The following FBXL17 variants were observed in gnomAD, a reference collection of about 807,000 sequenced individuals.
FBXL17 encodes the protein F-box and leucine rich repeat protein 17, also known as F-box/LRR-repeat protein 17.
A neutral mutation model predicts 66.2 loss-of-function variants in FBXL17; 22 were observed. The observed-to-expected ratio is 0.33, with a 90% CI of 0.24 to 0.47. The LOEUF (loss-of-function observed/expected upper bound fraction) is 0.47. Ranked by LOEUF, FBXL17 falls within the 20% of genes least tolerant of loss-of-function variation. FBXL17 has a pLI of 1.00. For missense variants in FBXL17, 878 were observed against 948.2 expected, an observed-to-expected ratio of 0.93 and a Z score of 0.97; for synonymous variants, 474 against 400.5, an observed-to-expected ratio of 1.18 and a Z score of -2.19.
chr5:107,924,068 T>TG (rs1269041112), intron 7 of FBXL17, among the ~76,000 whole-genome samples: 2 of 150,184 alleles, frequency 1.3e-5, no homozygotes, highest in African/African-American at 2.5e-5. Context: ...GTGTTTTTTT[T>TG]TTTTTTTTTT....
intron 4 of FBXL17, among the ~76,000 whole-genome samples, chr5:108,231,244 T>G (rs1042170004): frequency 7.9e-5 from 12 of 152,170 alleles, no homozygotes; most frequent in African/African-American, 2.9e-4. Flanking sequence ...TACAGTTATA[T>G]AATCATCACC....
intron 7 of FBXL17, among the ~76,000 whole-genome samples, chr5:107,968,704 T>C (rs1195834092): frequency 6.6e-6 from 1 of 152,158 alleles, no homozygotes; most frequent in Non-Finnish European, 1.5e-5. Context: ...AAAAATTGCC[T>C]CTGAATAAGC....
intron 6 of FBXL17, among the ~76,000 whole-genome samples, chr5:108,054,120 G>C (rs567176714): frequency 2.6e-5 from 4 of 152,192 alleles, no homozygotes; most frequent in African/African-American, 9.6e-5. Context: ...GCGGGGTGTG[G>C]GGAGAGGGGA....
At chr5:107,879,125 A>G (rs1263308037) in intron 8 of FBXL17, 18 of 985,354 alleles carry the variant, frequency 1.8e-5, no homozygotes, top group Non-Finnish European at 2.0e-5. Flanking sequence ...CTCCTGTAGT[A>G]ACTGTAACAT....
intron 7 of FBXL17, among the ~76,000 whole-genome samples, chr5:107,987,122 C>T (rs968486543): frequency 6.6e-6 from 1 of 151,876 alleles, no homozygotes; most frequent in Non-Finnish European, 1.5e-5. Context: ...GATAGGAAAA[C>T]ACAAGAGAGG....
chr5:108,159,396 A>G (rs574926279), intron 6 of FBXL17, among the ~76,000 whole-genome samples: 35 of 152,330 alleles, frequency 2.3e-4, no homozygotes, highest in Admixed American at 1.2e-3. Context: ...CTGAAAACTC[A>G]TATTTTGAAA....
intron 1 of FBXL17, among the ~76,000 whole-genome samples, chr5:108,369,426 C>A (rs1748885917): frequency 6.6e-6 from 1 of 152,134 alleles, no homozygotes; most frequent in South Asian, 2.1e-4. Context: ...CTCCTGAGGG[C>A]TGTGTCACAG....
At chr5:108,012,472 T>A (rs891438481) in intron 7 of FBXL17, among the ~76,000 whole-genome samples, 1 of 152,202 alleles carries the variant, frequency 6.6e-6, no homozygotes, top group African/African-American at 2.4e-5. Flanking sequence ...CTTTATGACA[T>A]TGTTTTTTCA....
chr5:107,890,612 C>G (rs1441229391), intron 7 of FBXL17, among the ~76,000 whole-genome samples: 1 of 150,008 alleles, frequency 6.7e-6, no homozygotes, highest in Non-Finnish European at 1.5e-5. Context: ...TGCATTGAGC[C>G]AAGATCACAC....
chr5:108,162,318 C>T (rs1752246851), intron 6 of FBXL17, among the ~76,000 whole-genome samples: 1 of 151,870 alleles, frequency 6.6e-6, no homozygotes, highest in Admixed American at 6.6e-5. Flanking sequence ...AGTAAGACTC[C>T]ATCTCCATAA....
chr5:108,301,785 AG>A (rs1285078340), intron 4 of FBXL17, among the ~76,000 whole-genome samples: 1 of 151,810 alleles, frequency 6.6e-6, no homozygotes, highest in East Asian at 1.9e-4. Flanking sequence ...TCAAAAATTT[AG>A]AATCCAAAAA....
chr5:108,078,435 C>A (rs190885483), intron 6 of FBXL17, among the ~76,000 whole-genome samples: 3 of 152,248 alleles, frequency 2.0e-5, no homozygotes, highest in Admixed American at 6.5e-5. Context: ...AAATATATTT[C>A]TTTGACATAT....
intron 7 of FBXL17, among the ~76,000 whole-genome samples, chr5:107,980,673 T>TTTTTTTTTTTTTTTTG (rs1752786602): frequency 8.5e-6 from 1 of 117,460 alleles, no homozygotes; most frequent in African/African-American, 3.6e-5. Context: ...TATTTTTTTT[T>TTTTTTTTTTTTTTTTG]TGAGATGGAG....
At chr5:108,153,610 C>T (rs1751854357) in intron 6 of FBXL17, among the ~76,000 whole-genome samples, 1 of 152,012 alleles carries the variant, frequency 6.6e-6, no homozygotes, top group Non-Finnish European at 1.5e-5. Context: ...GTGGTAACCC[C>T]ACAGTTCCAT....
chr5:107,871,821 G>A (rs530592810), intron 8 of FBXL17, among the ~76,000 whole-genome samples: 1 of 151,848 alleles, frequency 6.6e-6, no homozygotes, highest in African/African-American at 2.4e-5. Flanking sequence ...AGTGGTAAGT[G>A]CAATGTATTT....
At chr5:107,931,393 G>A (rs1329612888) in intron 7 of FBXL17, among the ~76,000 whole-genome samples, 5 of 151,548 alleles carry the variant, frequency 3.3e-5, no homozygotes, top group South Asian at 2.1e-4. Context: ...CCAAGTAGCT[G>A]GAACTACAGG....
rs556986747 is a variant in FBXL17, at chr5:108,132,094, A to G, written c.1745+54023T>C. On this transcript the variant is annotated intron_variant, in intron 6 of 8. Coordinates refer to ENST00000542267, the MANE Select transcript of FBXL17 (RefSeq NM_001163315.3). ...CAGGTTCAAGCGATTCTCCTGCCTC[A>G]GCCTCCCTAGTATCTGGGATTACAG... Among the ~76,000 whole-genome samples the G allele has an allele frequency of 1.5e-3, 222 of 151,706 alleles. 2 individuals carry two copies. The highest frequency in any genetic ancestry group is 0.01 in the Middle Eastern group (3 of 294).
chr5:108,161,157 A>AATACATACATACATACATAC (rs1159409492), intron 6 of FBXL17, among the ~76,000 whole-genome samples: 3 of 98,690 alleles, frequency 3.0e-5, no homozygotes, highest in East Asian at 1.0e-3. Context: ...TTAATCAACA[A>AATACATACATACATACATAC]ATAGATACAT....
chr5:108,239,981 A>G (rs1755781753), intron 4 of FBXL17, among the ~76,000 whole-genome samples: 1 of 152,014 alleles, frequency 6.6e-6, no homozygotes, highest in South Asian at 2.1e-4. Flanking sequence ...GCCATCTTGA[A>G]GGGAAGGACC....
Sources: gnomAD v4.1 joint callset for allele counts (sites outside exome capture counted in the v4.1 genomes callset) on GRCh38, gnomAD v4.1.1 for gene constraint, MANE v1.5 for transcripts, NCBI Gene and HGNC (gene_info 2026-07-23, HGNC 2026-07-21) for gene names.